SECISBP2: variants seen among roughly 807,000 people sequenced by gnomAD.
The protein encoded by SECISBP2 is selenocysteine insertion sequence-binding protein 2.
SECISBP2 carries 96 observed loss-of-function variants against 98.2 expected under a neutral mutation model. The ratio of observed to expected loss-of-function variants is 0.98; its 90% CI spans 0.83 to 1.16. The LOEUF (loss-of-function observed/expected upper bound fraction) is 1.16. SECISBP2 is among the 50% of genes most tolerant of loss of function. The pLI is 0.00. For synonymous variants in SECISBP2, 407 were observed against 370.2 expected (o/e 1.10, Z -1.14); for missense variants, 1,046 against 1,022.9 (o/e 1.02, Z -0.31).
At chr9:89,347,390 T>G (rs182372470) in intron 11 of SECISBP2, among the ~76,000 whole-genome samples, 1 of 152,056 alleles carries the variant, frequency 6.6e-6, no homozygotes, top group Non-Finnish European at 1.5e-5. Context: ...ATATTTCTGA[T>G]GTTGAGAGTC....
intron 2 of SECISBP2, chr9:89,325,092 T>C (rs184731531): frequency 1.2e-5 from 4 of 341,654 alleles, no homozygotes; most frequent in African/African-American, 2.2e-5. Flanking sequence ...GCAGAGAGAA[T>C]GGTCTTTAGG....
intron 14 of SECISBP2, among the ~76,000 whole-genome samples, chr9:89,356,104 G>A (rs768459394): frequency 6.6e-6 from 1 of 152,232 alleles, no homozygotes; most frequent in East Asian, 1.9e-4. Context: ...GGAACTGGGT[G>A]GCACAGCAGG....
Position 89,318,567 on chromosome 9 carries a change from G to T in SECISBP2, c.-10G>T. On this transcript the variant is annotated 5_prime_UTR_variant, in exon 1 of 17. Coordinates refer to ENST00000375807, the MANE Select transcript of SECISBP2 (RefSeq NM_024077.5). The stretch of plus-strand genomic sequence containing the variant: ...GCCTCCGTGACGCGGCCTCCTCCGC[G>T]CCTCGCGGCATGGCGTCGGAGGGGC... The T allele has an allele frequency of 4.0e-6, 6 of 1,504,436 alleles. No homozygotes were observed. The highest frequency in any genetic ancestry group is 5.3e-6 in the Non-Finnish European group (6 of 1,132,516). 93.2% of individuals were successfully genotyped at this position (1,504,436 alleles called of 1,614,324 possible). A position where few individuals can be genotyped will look rare whatever the true frequency, so the allele number is the denominator to read the frequency against.
chr9:89,325,426 G>A lies in SECISBP2; in HGVS notation c.183-1G>A. 4.3e-6 allele frequency: 7 copies of A among 1,613,750 alleles called. No individual in the cohort carries two copies. The highest frequency in any genetic ancestry group is 1.1e-5 in the South Asian group (1 of 91,066). On this transcript the variant is annotated splice_acceptor_variant, in intron 2 of 16. Transcript: ENST00000375807. LOFTEE classifies it high-confidence loss of function. ...AACTAAAGTTTACACTTTTTACTTA[G>A]GCAGAAAATATATACTGAAGACATG...
At chr9:89,321,967 C>G (rs1005102226) in intron 2 of SECISBP2, among the ~76,000 whole-genome samples, 1 of 152,206 alleles carries the variant, frequency 6.6e-6, no homozygotes, top group African/African-American at 2.4e-5. Context: ...ACAACTATTT[C>G]CTCCTTCTTA....
At chr9:89,346,824 A>C in intron 10 of SECISBP2, 58 bp from the exon 11 acceptor site, 1 of 1,609,272 alleles carries the variant, frequency 6.2e-7, no homozygotes, top group Non-Finnish European at 8.5e-7. Flanking sequence ...CTGCGATCCA[A>C]GAGCTGGGTG....
At chr9:89,347,959 C>T in intron 11 of SECISBP2, 120 bp from the exon 12 acceptor site, 2 of 956,874 alleles carry the variant, frequency 2.1e-6, no homozygotes, top group South Asian at 1.4e-5. Flanking sequence ...CACTTGGCTG[C>T]TCTCAGGGCA....
At chr9:89,327,578 TTTTTAA>T (rs1238156777) in intron 4 of SECISBP2, among the ~76,000 whole-genome samples, 2 of 152,132 alleles carry the variant, frequency 1.3e-5, no homozygotes, top group Non-Finnish European at 2.9e-5. Flanking sequence ...CTTTCTACAC[TTTTTAA>T]TTAAAAACGA....
intron 2 of SECISBP2, 127 bp downstream of exon 2, chr9:89,319,924 A>G: frequency 9.8e-7 from 1 of 1,015,708 alleles, no homozygotes; most frequent in Non-Finnish European, 1.5e-6. Flanking sequence ...TCTTCAACCA[A>G]GAAGAGTCTG....
chr9:89,360,303 C>CAGTA (rs1327752481), downstream of SECISBP2, among the ~76,000 whole-genome samples: 1 of 152,104 alleles, frequency 6.6e-6, no homozygotes. Context: ...CTCCCCTCAT[C>CAGTA]AGTAAGTAAA....
At chr9:89,319,483 T>C (rs546226621) in intron 1 of SECISBP2, among the ~76,000 whole-genome samples, 169 bp from the exon 2 acceptor site, 2 of 152,228 alleles carry the variant, frequency 1.3e-5, no homozygotes, top group South Asian at 2.1e-4. Context: ...AAAAAAAGCA[T>C]TGGGGAGAAA....
At chr9:89,332,640 G>A (rs768003682) in intron 5 of SECISBP2, 30 of 486,710 alleles carry the variant, frequency 6.2e-5, no homozygotes, top group Non-Finnish European at 1.0e-4. Flanking sequence ...ACATCCATGT[G>A]CAGGTTTTTG....
In SECISBP2 at chr9:89,319,726, C is replaced by T. The variant is rs770152053; in HGVS notation, c.111C>T (p.Ser37=). ...FAGLNVAWLE[S]SEACVFPSSA... ...GGCTCAATGTGGCATGGTTAGAGTC[C>T]TCAGAAGCATGTGTCTTCCCCAGCT... The change falls in exon 2 of 17, where the codon TCC becomes TCT. Residue 37 remains serine (S), a synonymous_variant. Coordinates refer to ENST00000375807, the MANE Select transcript of SECISBP2 (RefSeq NM_024077.5). 3.0e-5 allele frequency: 49 copies of T among 1,613,986 alleles called. No individual in the cohort carries two copies. The highest frequency in any genetic ancestry group is 3.4e-5 in the Non-Finnish European group (40 of 1,179,982).
chr9:89,350,758 TGTGTTG>T lies in SECISBP2; in HGVS notation c.2021_2026del (p.Val674_Leu675del). Reference sequence around the variant, plus strand: ...TCAAGGCCAAGACTAAACGTCGACTTGTGTTGGGGTTGAGGGAGGTTCTCAAACACC... The same window carrying T: ...TCAAGGCCAAGACTAAACGTCGACTTGGGTTGAGGGAGGTTCTCAAACACC... On this transcript the variant is annotated inframe_deletion, in exon 14 of 17. Coordinates refer to ENST00000375807, the MANE Select transcript of SECISBP2 (RefSeq NM_024077.5). The T allele has an allele frequency of 6.2e-7, 1 of 1,614,204 alleles. No individual in the cohort carries two copies. The highest frequency in any genetic ancestry group is 8.5e-7 in the Non-Finnish European group (1 of 1,180,036).
At chr9:89,362,090 T>C (rs925306429), downstream of SECISBP2, 46 of 539,974 alleles carry the variant, frequency 8.5e-5, no homozygotes, top group Non-Finnish European at 1.4e-4. Context: ...CCCTGCTGTT[T>C]TAGTTCACGA....
At position 89,346,706 on chromosome 9, in the gene SECISBP2, G is replaced by GTGT. The variant is rs1564411940; in HGVS notation, c.1436-176_1436-175insTGT. Among the ~76,000 whole-genome samples, 7 of 137,248 alleles carry GTGT rather than the reference G, an allele frequency of 5.1e-5. No individual in the cohort carries two copies. In the South Asian group the frequency reaches 1.5e-3, roughly 29 times the overall value. 90.0% of individuals were successfully genotyped at this position (137,248 alleles called of 152,430 possible). A position where few individuals can be genotyped will look rare whatever the true frequency, so the allele number is the denominator to read the frequency against. Reference sequence around the variant, plus strand: ...AGTTTCATTTGGAATTACTGCCAATGAAAAGAATGTGTAAGAGATTGTTCT... The same window carrying GTGT: ...AGTTTCATTTGGAATTACTGCCAATGTGTAAAAGAATGTGTAAGAGATTGTTCT... On this transcript the variant is annotated intron_variant, in intron 10 of 16. Transcript: ENST00000375807.
chr9:89,323,558 A>T (rs1411759147), intron 2 of SECISBP2: 1 of 152,660 alleles, frequency 6.6e-6, no homozygotes, highest in Non-Finnish European at 1.5e-5. Context: ...TTGGTGGGAA[A>T]GGGGCAAAGG....
intron 7 of SECISBP2, among the ~76,000 whole-genome samples, chr9:89,337,242 T>C (rs1828900406): frequency 6.6e-6 from 1 of 152,258 alleles, no homozygotes; most frequent in Non-Finnish European, 1.5e-5. Context: ...AGAAAAATTC[T>C]AAAAGATGAG....
intron 6 of SECISBP2, 23 bp from the exon 7 acceptor site, chr9:89,334,498 AC>A: frequency 6.2e-7 from 1 of 1,601,478 alleles, no homozygotes; most frequent in Non-Finnish European, 8.6e-7. Context: ...AGATTGTTCA[AC>A]AATTTTGGTT....
Sources: allele counts gnomAD v4.1 joint callset (sites outside exome capture counted in the v4.1 genomes callset), GRCh38; gene constraint gnomAD v4.1.1; transcripts MANE v1.5; gene names NCBI Gene and HGNC (gene_info 2026-07-23, HGNC 2026-07-21).